The following ZEB1 variants were observed in gnomAD, a reference collection of about 807,000 sequenced individuals.
ZEB1 encodes zinc finger E-box-binding homeobox 1.
Under a neutral mutation model 84.9 loss-of-function variants are expected in ZEB1, and 21 were observed. That is an observed-to-expected ratio of 0.25 (90% CI 0.18 to 0.36). The LOEUF (loss-of-function observed/expected upper bound fraction) is 0.36, where lower values mean the gene tolerates loss of function less well. ZEB1 is among the 10% of genes least tolerant of loss of function. The pLI is 1.00. For missense variants in ZEB1, 1,104 were observed against 1,330.2 expected (o/e 0.83, Z 2.65); for synonymous variants, 420 against 471.1 (o/e 0.89, Z 1.41).
intron 2 of ZEB1, among the ~76,000 whole-genome samples, chr10:31,470,105 G>C (rs994796011): frequency 5.3e-5 from 8 of 152,114 alleles, no homozygotes; most frequent in Admixed American, 2.6e-4. Context: ...AAACCACAAA[G>C]ATGGGGAAAA....
chr10:31,340,985 A>G (rs1207845550), intron 1 of ZEB1, among the ~76,000 whole-genome samples: 4 of 152,098 alleles, frequency 2.6e-5, no homozygotes, highest in African/African-American at 7.2e-5. Context: ...AGTATGAGAT[A>G]AGGGTAAGAG....
At chr10:31,321,280 T>C (rs1370555502) in intron 1 of ZEB1, 3 of 1,345,794 alleles carry the variant, frequency 2.2e-6, no homozygotes, top group African/African-American at 2.9e-5. Context: ...CATAATTATA[T>C]TTTTAATATA....
chr10:31,470,454 A>T (rs1169526116), intron 2 of ZEB1, among the ~76,000 whole-genome samples: 3 of 151,192 alleles, frequency 2.0e-5, no homozygotes, highest in Non-Finnish European at 2.9e-5. Flanking sequence ...ACTGGAAGAA[A>T]GGGTATCAGC....
chr10:31,410,858 T>G (rs1006485138), intron 1 of ZEB1, among the ~76,000 whole-genome samples: 1 of 152,220 alleles, frequency 6.6e-6, no homozygotes, highest in South Asian at 2.1e-4. Context: ...GATATCCCCT[T>G]TATCATTTTT....
At chr10:31,494,376 A>G (rs2066945015) in intron 2 of ZEB1, among the ~76,000 whole-genome samples, 1 of 152,066 alleles carries the variant, frequency 6.6e-6, no homozygotes, top group African/African-American at 2.4e-5. Flanking sequence ...AGGTTTGTGC[A>G]TATTTTAACT....
intron 7 of ZEB1, among the ~76,000 whole-genome samples, chr10:31,523,445 C>T (rs1197392604): frequency 6.6e-6 from 1 of 152,138 alleles, no homozygotes; most frequent in East Asian, 1.9e-4. Context: ...CTGGAGGATA[C>T]AATTGAAAGA....
intron 1 of ZEB1, among the ~76,000 whole-genome samples, chr10:31,355,775 G>A (rs1046439589): frequency 6.6e-6 from 1 of 152,136 alleles, no homozygotes; most frequent in South Asian, 2.1e-4. Flanking sequence ...ATAAGTAAAT[G>A]TAGAGAAGAA....
intron 1 of ZEB1, among the ~76,000 whole-genome samples, chr10:31,434,492 G>T (rs1029930737): frequency 2.0e-4 from 30 of 152,150 alleles, no homozygotes; most frequent in African/African-American, 7.2e-4. Context: ...ATATTTCACA[G>T]CAGGATAACC....
intron 1 of ZEB1, among the ~76,000 whole-genome samples, chr10:31,336,424 G>C (rs1052152827): frequency 6.6e-6 from 1 of 152,040 alleles, no homozygotes; most frequent in Non-Finnish European, 1.5e-5. Context: ...CTGTAGGTAA[G>C]GTAAAGGTAT....
chr10:31,452,625 C>T (rs368526654), intron 1 of ZEB1, among the ~76,000 whole-genome samples: 1 of 151,574 alleles, frequency 6.6e-6, no homozygotes, highest in Non-Finnish European at 1.5e-5. Context: ...AAAGTGTGGT[C>T]CCATATTCAG....
intron 2 of ZEB1, among the ~76,000 whole-genome samples, chr10:31,481,359 T>C (rs1393063180): frequency 6.6e-6 from 1 of 151,992 alleles, no homozygotes; most frequent in African/African-American, 2.4e-5. Flanking sequence ...CACCCAGTAG[T>C]AGTGAACATA....
intron 1 of ZEB1, among the ~76,000 whole-genome samples, chr10:31,347,027 T>C (rs1175681745): frequency 6.6e-6 from 1 of 152,144 alleles, no homozygotes; most frequent in Non-Finnish European, 1.5e-5. Flanking sequence ...TTTATTACAG[T>C]TTTCCAAAGT....
At chr10:31,319,140 T>C, upstream of ZEB1, 1 of 275,338 alleles carries the variant, frequency 3.6e-6, no homozygotes, top group South Asian at 3.2e-5. Flanking sequence ...CCAGGTGCGG[T>C]GGGGAGGGGG....
At chr10:31,363,721 T>A in intron 1 of ZEB1, 1 of 1,199,274 alleles carries the variant, frequency 8.3e-7, no homozygotes, top group Non-Finnish European at 1.2e-6. Flanking sequence ...TATGGAGTTG[T>A]GAGGAGACAG....
Position 31,510,734 on chromosome 10 carries a change from C to T in ZEB1, c.546C>T (p.Arg182=). Residue 182 remains arginine, a synonymous_variant, in exon 5 of 9, where the codon CGC becomes CGT. Coordinates refer to ENST00000424869, the MANE Select transcript of ZEB1 (RefSeq NM_001174096.2). ...CATATTGTGATAGAGGCTATAAACGCTTTACCTCTCTGAAAGAACACATTA... is the reference window on the plus strand; with the variant it reads ...CATATTGTGATAGAGGCTATAAACGTTTTACCTCTCTGAAAGAACACATTA... ...TCPYCDRGYK[R]FTSLKEHIKY... The T allele has an allele frequency of 3.7e-6, 6 of 1,613,906 alleles. No homozygotes were observed. Among genetic ancestry groups the T allele is most frequent in the Non-Finnish European group, 4.2e-6 (5 of 1,179,880 alleles).
At chr10:31,498,987 A>G (rs770986902) in intron 3 of ZEB1, among the ~76,000 whole-genome samples, 5 of 152,136 alleles carry the variant, frequency 3.3e-5, no homozygotes, top group African/African-American at 4.8e-5. Context: ...TAAAAAGATG[A>G]AATAAAATTT....
At chr10:31,511,216 A>AT (rs766272927) in intron 5 of ZEB1, among the ~76,000 whole-genome samples, 1 of 152,198 alleles carries the variant, frequency 6.6e-6, no homozygotes, top group South Asian at 2.1e-4. Flanking sequence ...TGTAGGAAAA[A>AT]TAAGTACTGA....
chr10:31,387,094 A>G (rs1007589352), intron 1 of ZEB1: 1 of 985,800 alleles, frequency 1.0e-6, no homozygotes, highest in Non-Finnish European at 1.2e-6. Context: ...TGATCCCAGT[A>G]TAATCTTTTA....
At chr10:31,519,142 G>A (rs2071769310) in intron 6 of ZEB1, among the ~76,000 whole-genome samples, 1 of 152,158 alleles carries the variant, frequency 6.6e-6, no homozygotes, top group Non-Finnish European at 1.5e-5. Flanking sequence ...TTTGATGGGT[G>A]CAAGGGATAA....
Sources: allele counts gnomAD v4.1 joint callset (sites outside exome capture counted in the v4.1 genomes callset), GRCh38; gene constraint gnomAD v4.1.1; transcripts MANE v1.5; gene names NCBI Gene and HGNC (gene_info 2026-07-23, HGNC 2026-07-21).